DHX37: variants seen among roughly 807,000 people sequenced by gnomAD.
DHX37 encodes the protein DEAH-box helicase 37.
DHX37 carries 52 observed loss-of-function variants against 134.3 expected under a neutral mutation model. The ratio of observed to expected loss-of-function variants is 0.39; its 90% CI spans 0.31 to 0.49. The LOEUF (loss-of-function observed/expected upper bound fraction) is 0.49. Ranked by LOEUF, DHX37 falls within the 20% of genes least tolerant of loss-of-function variation. The pLI is 0.93. For missense variants in DHX37, 1,344 were observed against 1,580.8 expected (o/e 0.85, Z 2.54); for synonymous variants, 634 against 670.7 (o/e 0.95, Z 0.85).
At position 124,971,309 on chromosome 12, in the gene DHX37, C is replaced by T. The variant is rs1453502937; in HGVS notation, c.1184G>A (p.Arg395Gln). 4 of 1,612,608 alleles carry T rather than the reference C, an allele frequency of 2.5e-6. No homozygotes were observed. The highest frequency in any genetic ancestry group is 2.2e-5 in the East Asian group (1 of 44,862). ...ACCCGCCTCCTGCGCTACCTTAGCC[C>T]GGAGAGTCACAATGCGGGACAGGAG... The part of the protein sequence containing the change: ...IGLLSRIVTL[R>Q]AKRNLPLKLL... Residue 395 changes from arginine (R) to glutamine (Q), a missense_variant, in exon 8 of 27, where the codon CGG becomes CAG. Arg to Gln is a conservative substitution (Grantham distance 43). Coordinates refer to ENST00000308736, the MANE Select transcript of DHX37 (RefSeq NM_032656.4).
intron 2 of DHX37, 128 bp downstream of exon 2, chr12:124,985,968 A>G (rs948516346): frequency 8.7e-7 from 1 of 1,146,900 alleles, no homozygotes; most frequent in Non-Finnish European, 1.2e-6. Context: ...TGGACCATGC[A>G]CTGGAATTTT....
intron 20 of DHX37, 99 bp from the exon 21 acceptor site, chr12:124,952,669 C>G (rs1953998955): frequency 7.8e-7 from 1 of 1,283,100 alleles, no homozygotes; most frequent in Admixed American, 3.1e-5. Flanking sequence ...GTGCTCTAGC[C>G]TCAGCCACCT....
At chr12:124,948,945 C>A (rs1953921837) in intron 25 of DHX37, among the ~76,000 whole-genome samples, 1 of 152,178 alleles carries the variant, frequency 6.6e-6, no homozygotes, top group Admixed American at 6.6e-5. Context: ...CATTCCTTGC[C>A]CACCAAGGCT....
In DHX37 at chr12:124,950,742, G is replaced by A. The variant is rs142360847; in HGVS notation, c.2931C>T (p.Pro977=). 1.4e-4 allele frequency: 231 copies of A among 1,610,086 alleles called. No individual in the cohort carries two copies. The highest frequency in any genetic ancestry group is 1.8e-4 in the Non-Finnish European group (209 of 1,179,020). ...HPSSVLFKEL[P]EFVVYQEIVE... is the part of the protein sequence containing the mutation. ...CGATTTCCTGGTAGACCACAAACTC[G>A]GGGAGCTCTTTGAAAAGGACGGAGC... The change falls in exon 22 of 27, where the codon CCC becomes CCT. Residue 977 remains proline (P), a synonymous_variant. Transcript: ENST00000308736.
In DHX37 at chr12:124,952,938, G is replaced by A. The variant is rs557843889; in HGVS notation, c.2696-368C>T. ...TCAATACGGGAACAGGACAGCCGGC[G>A]GGTGCCCTGGCCTCATCCTTCCCTT... is the stretch of plus-strand genomic sequence containing the variant. On this transcript the variant is annotated intron_variant, in intron 20 of 26. Coordinates refer to ENST00000308736, the MANE Select transcript of DHX37 (RefSeq NM_032656.4). The A allele has an allele frequency of 1.1e-3, 179 of 158,332 alleles. 1 individual carries two copies. Among genetic ancestry groups the A allele is most frequent in the African/African-American group, 4.1e-3 (173 of 41,854 alleles). 9.8% of individuals were successfully genotyped at this position (158,332 alleles called of 1,614,324 possible). A position where few individuals can be genotyped will look rare whatever the true frequency, so the allele number is the denominator to read the frequency against.
Position 124,952,462 on chromosome 12 carries a change from T to C in DHX37, c.2804A>G (p.Asp935Gly). 1 of 1,610,056 alleles carries C rather than the reference T, an allele frequency of 6.2e-7. No individual in the cohort carries two copies. The highest frequency in any genetic ancestry group is 8.5e-7 in the Non-Finnish European group (1 of 1,178,882). ...LRQIVTAGLGDHLARRVQSEE... is the reference protein window; with the variant it reads ...LRQIVTAGLGGHLARRVQSEE... ...GCTCTGGACCCTGCGGGCCAAGTGG[T>C]CCCCCAGGCCTGCCGTCACGATCTG... The change falls in exon 21 of 27, where the codon GAC (aspartate) becomes GGC (glycine). Residue 935 changes from aspartate to glycine, a missense_variant. Asp to Gly is a moderately conservative substitution (Grantham distance 94). Around this residue, in one of 7 missense-constraint regions of DHX37, gnomAD observed 558 missense variants for 650.0 expected, o/e 0.86. Coordinates refer to ENST00000308736, the MANE Select transcript of DHX37 (RefSeq NM_032656.4).
rs149024756 is a variant in DHX37 at position 124,953,932 on chromosome 12, C to A, written c.2643G>T (p.Arg881=). The A allele has an allele frequency of 9.3e-6, 15 of 1,613,084 alleles. No individual in the cohort carries two copies. Among genetic ancestry groups the A allele is most frequent in the Non-Finnish European group, 1.3e-5 (15 of 1,179,822 alleles). ...TPQFCEANGL[R]YKAMMEIRRL... is the part of the protein sequence containing the mutation. ...GCCGGATCTCCATCATGGCTTTGTA[C>A]CGCAGCCCGTTGGCTTCGCAAAACT... Residue 881 remains arginine, a synonymous_variant, in exon 20 of 27, where the codon CGG becomes CGT. Transcript: ENST00000308736.
chr12:124,962,079 G>A (rs369874737), intron 15 of DHX37, among the ~76,000 whole-genome samples: 6 of 152,254 alleles, frequency 3.9e-5, no homozygotes, highest in South Asian at 4.1e-4. Flanking sequence ...ACAGTGCCAC[G>A]TGCCTCTACT....
chr12:124,953,684 TCTGTTAGTGCC>T, intron 20 of DHX37, 185 bp downstream of exon 20: 1 of 989,956 alleles, frequency 1.0e-6, no homozygotes, highest in Non-Finnish European at 1.4e-6. Flanking sequence ...GCAGCTCGAA[TCTGTTAGTGCC>T]CTGCTCATGT....
At position 124,953,899 on chromosome 12, in the gene DHX37, C is replaced by T. The variant is rs780795849; in HGVS notation, c.2676G>A (p.Arg892=). The T allele has an allele frequency of 1.2e-6, 2 of 1,611,560 alleles. No individual in the cohort carries two copies. The highest frequency in any genetic ancestry group is 3.3e-5 in the Admixed American group (2 of 59,880). The change falls in exon 20 of 27, where the codon CGG becomes CGA. Residue 892 remains arginine (R), a synonymous_variant. Coordinates refer to ENST00000308736, the MANE Select transcript of DHX37 (RefSeq NM_032656.4). ...CCGTACCTGCGGTGGTCAGCTGGCC[C>T]CGCAGGCGCCGGATCTCCATCATGG... is the stretch of plus-strand genomic sequence containing the variant. ...YKAMMEIRRL[R]GQLTTAVNAV...
intron 16 of DHX37, among the ~76,000 whole-genome samples, chr12:124,957,959 G>A (rs912021593): frequency 9.9e-5 from 15 of 152,236 alleles, no homozygotes; most frequent in African/African-American, 3.6e-4. Flanking sequence ...CACGGATGGA[G>A]CTTGAGAACA....
At position 124,949,978 on chromosome 12, in the gene DHX37, G is replaced by A. The variant is rs1953941623; in HGVS notation, c.3290+8C>T. 6.2e-7 allele frequency: 1 copy of A among 1,605,986 alleles called. No individual in the cohort carries two copies. The highest frequency in any genetic ancestry group is 8.5e-7 in the Non-Finnish European group (1 of 1,175,536). ...TGCCCACTGCGAGGCTCCCACCGAA[G>A]GCAGTACCTGGCCCACGTCTTCAGC... On this transcript the variant is annotated splice_region_variant and intron_variant, in intron 25 of 26. Coordinates refer to ENST00000308736, the MANE Select transcript of DHX37 (RefSeq NM_032656.4). The surrounding 1 kb of genome is among the most constrained non-coding windows in gnomAD (Gnocchi z 4.0).
rs200048716 is a variant in DHX37, at chr12:124,952,393, C to T, written c.2868+5G>A. On this transcript the variant is annotated splice_donor_5th_base_variant and intron_variant, in intron 21 of 26. Coordinates refer to ENST00000308736, the MANE Select transcript of DHX37 (RefSeq NM_032656.4). ...ACCCGGGCAGGGAGGCGGTGGGGGC[C>T]GCACCTTGTAGGCGTTCCTCCACTT... 58 of 1,604,598 alleles carry T rather than the reference C, an allele frequency of 3.6e-5. No homozygotes were observed. The highest frequency in any genetic ancestry group is 4.8e-5 in the Non-Finnish European group (57 of 1,177,898).
chr12:124,964,598 C>T lies in DHX37; in HGVS notation c.1841G>A (p.Arg614Gln). Residue 614 changes from arginine (R) to glutamine (Q), a missense_variant, in exon 15 of 27, where the codon CGG becomes CAG. This residue lies in a region of DHX37 where 289 missense variants were observed against 323.8 expected (regional missense o/e 0.89). Coordinates refer to ENST00000308736, the MANE Select transcript of DHX37 (RefSeq NM_032656.4). ...QVFKPPPEGT[R>Q]LCVVATNVAE... ...CACATTGGTGGCCACAACACACAAC[C>T]GAGTCCCCTCCGGTGGAGGCTTAAA... 2 of 1,612,722 alleles carry T rather than the reference C, an allele frequency of 1.2e-6. No homozygotes were observed. The highest frequency in any genetic ancestry group is 8.5e-7 in the Non-Finnish European group (1 of 1,179,488).
intron 18 of DHX37, among the ~76,000 whole-genome samples, chr12:124,955,464 A>G (rs1954073370): frequency 1.3e-5 from 2 of 152,250 alleles, no homozygotes; most frequent in African/African-American, 2.4e-5. Flanking sequence ...ACAGGTGTCC[A>G]TCACCATGCC....
At chr12:124,957,255 T>G in intron 16 of DHX37, 120 bp from the exon 17 acceptor site, 1 of 925,844 alleles carries the variant, frequency 1.1e-6, no homozygotes, top group Non-Finnish European at 1.5e-6. Context: ...CTCATGCCAG[T>G]GGGGACACAG....
chr12:124,974,940 C>T (rs1954602138), intron 6 of DHX37, among the ~76,000 whole-genome samples: 1 of 152,138 alleles, frequency 6.6e-6, no homozygotes, highest in Non-Finnish European at 1.5e-5. Context: ...CCACACCTGG[C>T]TCATCTTGTA....
Position 124,980,344 on chromosome 12 carries a change from A to G in DHX37, c.738+146T>C. Reference sequence around the variant, plus strand: ...CGCACCAATCCCTGCCACAGCCTCAAGGGAGGCGCAGTCACTCTCCCCTTT... The same window carrying G: ...CGCACCAATCCCTGCCACAGCCTCAGGGGAGGCGCAGTCACTCTCCCCTTT... On this transcript the variant is annotated intron_variant, in intron 4 of 26. Coordinates refer to ENST00000308736, the MANE Select transcript of DHX37 (RefSeq NM_032656.4). The surrounding 1 kb of genome is among the most constrained non-coding windows in gnomAD (Gnocchi z 5.3). 2.1e-6 allele frequency: 2 copies of G among 952,510 alleles called. No individual in the cohort carries two copies. The highest frequency in any genetic ancestry group is 3.1e-5 in the Admixed American group (1 of 32,214). The allele number at this position is 952,510 out of a possible 1,614,324, so 59.0% of individuals were successfully genotyped here. A position where few individuals can be genotyped will look rare whatever the true frequency, so the allele number is the denominator to read the frequency against.
In DHX37 at chr12:124,980,898, C is replaced by T; in HGVS notation, c.390-60G>A. The stretch of plus-strand genomic sequence containing the variant: ...CCCACCTCAATCCCAGAGGTCAGGA[C>T]TCCAAGGCCATACCCCTTTCTGCCT... On this transcript the variant is annotated intron_variant, in intron 3 of 26. Coordinates refer to ENST00000308736, the MANE Select transcript of DHX37 (RefSeq NM_032656.4). The surrounding 1 kb of genome is among the most constrained non-coding windows in gnomAD (Gnocchi z 5.3). 6.6e-7 allele frequency: 1 copy of T among 1,516,786 alleles called. No homozygotes were observed. Among genetic ancestry groups the T allele is most frequent in the Middle Eastern group, 1.7e-4 (1 of 5,876 alleles). 94.0% of individuals were successfully genotyped at this position (1,516,786 alleles called of 1,614,324 possible).
Sources: gnomAD v4.1 joint callset for allele counts (sites outside exome capture counted in the v4.1 genomes callset) on GRCh38, gnomAD v4.1.1 for gene constraint, gnomAD v4.1.1 regional missense constraint, Gnocchi (gnomAD v3.1) non-coding constraint, MANE v1.5 for transcripts, NCBI Gene and HGNC (gene_info 2026-07-23, HGNC 2026-07-21) for gene names.